Variants in HDAC4 observed in about 807,000 individuals in gnomAD.
The protein encoded by HDAC4 is histone deacetylase 4.
HDAC4 carries 16 observed loss-of-function variants against 135.1 expected under a neutral mutation model. That is an observed-to-expected ratio of 0.12 (90% CI 0.08 to 0.18). The LOEUF (loss-of-function observed/expected upper bound fraction) is 0.18. Ranked by LOEUF, HDAC4 falls within the 10% of genes least tolerant of loss-of-function variation. The probability of loss-of-function intolerance (pLI) is 1.00; values close to 1 mark genes in which losing one functional copy is unlikely to be tolerated. For synonymous variants in HDAC4, 685 were observed against 653.4 expected, an observed-to-expected ratio of 1.05 and a Z score of -0.74; for missense variants, 1,143 against 1,511.8, an observed-to-expected ratio of 0.76 and a Z score of 4.05.
chr2:239,374,298 T>C (rs11888868), intron 1 of HDAC4, among the ~76,000 whole-genome samples: 150,526 of 151,990 alleles, frequency 0.99, 74,537 homozygotes, highest in East Asian at 1. Flanking sequence ...AGGTCAGAGG[T>C]GCTGCAGGGA....
At chr2:239,142,531 G>C (rs1216148985) in intron 8 of HDAC4, among the ~76,000 whole-genome samples, 1 of 152,250 alleles carries the variant, frequency 6.6e-6, no homozygotes, top group Non-Finnish European at 1.5e-5. Flanking sequence ...TGCTGGCTTA[G>C]AGTGGCTTGT....
intron 2 of HDAC4, among the ~76,000 whole-genome samples, chr2:239,279,769 G>A (rs1252683744): frequency 1.3e-5 from 2 of 152,200 alleles, no homozygotes; most frequent in African/African-American, 4.8e-5. Context: ...GACTGAGTGA[G>A]GAGTGTCCCC....
chr2:239,147,121 G>A (rs2041818057), intron 7 of HDAC4, among the ~76,000 whole-genome samples: 1 of 152,248 alleles, frequency 6.6e-6, no homozygotes, highest in African/African-American at 2.4e-5. Flanking sequence ...GCGGGGCTCG[G>A]GGAGGGGATT....
At chr2:239,348,498 C>T (rs1692881552) in intron 2 of HDAC4, among the ~76,000 whole-genome samples, 1 of 152,194 alleles carries the variant, frequency 6.6e-6, no homozygotes. Context: ...CAAGGAAAGA[C>T]AAGGACAGTT....
intron 3 of HDAC4, among the ~76,000 whole-genome samples, chr2:239,226,297 A>AG (rs1458764684): frequency 6.6e-6 from 1 of 152,192 alleles, no homozygotes; most frequent in Non-Finnish European, 1.5e-5. Context: ...GAAAAAAAAA[A>AG]TCCTTTCTTC....
chr2:239,242,845 T>G (rs938772906), intron 2 of HDAC4, among the ~76,000 whole-genome samples: 4 of 152,260 alleles, frequency 2.6e-5, no homozygotes, highest in Non-Finnish European at 5.9e-5. Context: ...AATCACATGT[T>G]TGCTTAACTG....
intron 3 of HDAC4, among the ~76,000 whole-genome samples, chr2:239,195,792 G>A (rs934460522): frequency 6.6e-6 from 1 of 152,212 alleles, no homozygotes. Flanking sequence ...GACTCCTGAC[G>A]TCAGTGAGAG....
intron 2 of HDAC4, among the ~76,000 whole-genome samples, chr2:239,332,917 G>A (rs1396485661): frequency 3.3e-5 from 5 of 152,058 alleles, no homozygotes; most frequent in African/African-American, 1.2e-4. Flanking sequence ...AAGATAATGA[G>A]AAGGTATTTA....
intron 1 of HDAC4, among the ~76,000 whole-genome samples, chr2:239,377,765 G>A (rs145179828): frequency 2.0e-5 from 3 of 152,284 alleles, no homozygotes; most frequent in African/African-American, 7.2e-5. Context: ...TAGAGCACCT[G>A]CCAGGATGCA....
At chr2:239,100,084 T>A (rs141049005) in intron 16 of HDAC4, among the ~76,000 whole-genome samples, 327 of 152,352 alleles carry the variant, frequency 2.1e-3, no homozygotes, top group African/African-American at 7.4e-3. Flanking sequence ...CTCTCACCTG[T>A]CCCTGCATTC....
chr2:239,099,515 G>A (rs1233924876), intron 16 of HDAC4, among the ~76,000 whole-genome samples: 2 of 152,332 alleles, frequency 1.3e-5, no homozygotes, highest in African/African-American at 4.8e-5. Context: ...GTGTTACATG[G>A]GGAGGCAGTG....
intron 24 of HDAC4, 66 bp downstream of exon 24, chr2:239,066,655 GC>G: frequency 6.2e-7 from 1 of 1,609,120 alleles, no homozygotes; most frequent in Non-Finnish European, 8.5e-7. Context: ...GGGCTCTCGG[GC>G]AGCCAGGCCA....
At position 239,245,313 on chromosome 2, in the gene HDAC4, A is replaced by T. The variant is rs978700320; in HGVS notation, c.23-8649T>A. On this transcript the variant is annotated intron_variant, in intron 2 of 26. Transcript: ENST00000543185. The surrounding 1 kb of genome is among the most constrained non-coding windows in gnomAD (Gnocchi z 4.4). ...GCTATGATCAGTCAAGCCCTGAAAC[A>T]GAAAATCCCAGGACAAAGGACTCAG... Among the ~76,000 whole-genome samples the T allele has an allele frequency of 2.0e-5, 3 of 152,236 alleles. No individual in the cohort carries two copies. Among genetic ancestry groups the T allele is most frequent in the African/African-American group, 7.2e-5 (3 of 41,468 alleles).
intron 3 of HDAC4, among the ~76,000 whole-genome samples, chr2:239,233,192 G>A (rs1209328168): frequency 1.3e-5 from 2 of 152,136 alleles, no homozygotes; most frequent in African/African-American, 2.4e-5. Flanking sequence ...TTTTAAAAAA[G>A]AAAGAGAACA....
intron 24 of HDAC4, among the ~76,000 whole-genome samples, chr2:239,065,944 A>T (rs2033414387): frequency 6.6e-6 from 1 of 152,226 alleles, no homozygotes; most frequent in South Asian, 2.1e-4. Flanking sequence ...TGGGAAACTC[A>T]GAATGAAAGG....
chr2:239,342,972 T>C (rs566335173), intron 2 of HDAC4, among the ~76,000 whole-genome samples: 40 of 152,282 alleles, frequency 2.6e-4, no homozygotes, highest in Middle Eastern at 3.4e-3. Flanking sequence ...TCTATTTGTA[T>C]TTGTTTTCCT....
intron 21 of HDAC4, 148 bp downstream of exon 21, chr2:239,081,954 G>T: frequency 3.9e-6 from 3 of 778,766 alleles, no homozygotes; most frequent in Non-Finnish European, 6.4e-6. Context: ...GCAGGCTGAC[G>T]TCTGACTGAA....
intron 22 of HDAC4, among the ~76,000 whole-genome samples, chr2:239,080,322 C>T (rs969977136): frequency 5.3e-5 from 8 of 152,244 alleles, no homozygotes; most frequent in Admixed American, 3.3e-4. Context: ...ATACTGACAG[C>T]GTTTTCTAAC....
At chr2:239,258,302 G>T (rs2049157986) in intron 2 of HDAC4, among the ~76,000 whole-genome samples, 1 of 151,812 alleles carries the variant, frequency 6.6e-6, no homozygotes, top group Non-Finnish European at 1.5e-5. Flanking sequence ...ACACAGGAAA[G>T]GAGACACTGA....
Sources: gnomAD v4.1 joint callset for allele counts (sites outside exome capture counted in the v4.1 genomes callset) on GRCh38, gnomAD v4.1.1 for gene constraint, Gnocchi (gnomAD v3.1) non-coding constraint, MANE v1.5 for transcripts, NCBI Gene and HGNC (gene_info 2026-07-23, HGNC 2026-07-21) for gene names.